LRIG1: variants seen among roughly 807,000 people sequenced by gnomAD.
LRIG1 encodes leucine-rich repeats and immunoglobulin-like domains protein 1.
In LRIG1, 48 loss-of-function variants were observed where a neutral mutation model predicts 99.2. The ratio of observed to expected loss-of-function variants is 0.48; its 90% CI spans 0.38 to 0.62. The LOEUF is 0.62. Ranked by LOEUF, LRIG1 falls within the 20% of genes least tolerant of loss-of-function variation. The pLI is 0.00. For missense variants in LRIG1, 1,646 were observed against 1,434.4 expected (o/e 1.15, Z -2.38); for synonymous variants, 772 against 596.1 (o/e 1.29, Z -4.30).
At chr3:66,392,461 T>C (rs193135453) in intron 12 of LRIG1, among the ~76,000 whole-genome samples, 70 of 152,272 alleles carry the variant, frequency 4.6e-4, no homozygotes, top group African/African-American at 1.6e-3. Context: ...TTATCTGAGT[T>C]TTGGATTCTA....
intron 3 of LRIG1, among the ~76,000 whole-genome samples, chr3:66,445,034 C>G (rs1272464105): frequency 6.6e-6 from 1 of 151,904 alleles, no homozygotes; most frequent in Admixed American, 6.6e-5. Flanking sequence ...CCTTTAGCAT[C>G]TGGGAACCAA....
At chr3:66,406,488 C>T (rs1266576883) in intron 8 of LRIG1, 5 of 916,732 alleles carry the variant, frequency 5.5e-6, no homozygotes, top group South Asian at 5.0e-5. Context: ...AATGGCTCCA[C>T]ATTAAAGCCG....
intron 5 of LRIG1, among the ~76,000 whole-genome samples, chr3:66,413,821 G>A (rs145166916): frequency 3.7e-4 from 56 of 152,306 alleles, no homozygotes; most frequent in African/African-American, 1.2e-3. Flanking sequence ...CCCACCCAGG[G>A]GAGGTGAAAC....
chr3:66,466,454 T>C (rs1201892109), intron 1 of LRIG1, among the ~76,000 whole-genome samples: 1 of 152,260 alleles, frequency 6.6e-6, no homozygotes, highest in Non-Finnish European at 1.5e-5. Context: ...TTGGCTATTG[T>C]GAATGATGTT....
At chr3:66,406,048 T>A (rs565334848) in intron 8 of LRIG1, 1 of 986,742 alleles carries the variant, frequency 1.0e-6, no homozygotes, top group Non-Finnish European at 1.2e-6. Context: ...GTTCTTAAAT[T>A]TTCCCCCCGA....
chr3:66,417,120 G>C lies in LRIG1; in HGVS notation c.503+9C>G, dbSNP rs1363966965. The C allele has an allele frequency of 2.5e-6, 4 of 1,613,610 alleles. No homozygotes were observed. The South Asian group carries it at 4.4e-5, about 18-fold the overall frequency. On this transcript the variant is annotated intron_variant, in intron 4 of 18. Transcript: ENST00000273261. Reference sequence around the variant, plus strand: ...GGCCAGCCACAGGTGGCAGAACAGAGGCACTTACAGCTCCTTTATAGGCGG... The same window carrying C: ...GGCCAGCCACAGGTGGCAGAACAGACGCACTTACAGCTCCTTTATAGGCGG...
chr3:66,398,421 T>C (rs1701935814), intron 10 of LRIG1, among the ~76,000 whole-genome samples: 1 of 152,118 alleles, frequency 6.6e-6, no homozygotes, highest in Admixed American at 6.6e-5. Context: ...GCAAAACCTT[T>C]CCCAACAGAG....
intron 12 of LRIG1, among the ~76,000 whole-genome samples, chr3:66,389,904 G>A (rs1201209628): frequency 6.6e-6 from 1 of 152,112 alleles, no homozygotes; most frequent in Non-Finnish European, 1.5e-5. Context: ...CAGCCATTTA[G>A]TCCATCCCTA....
intron 6 of LRIG1, 70 bp from the exon 7 acceptor site, chr3:66,410,342 C>A: frequency 1.4e-6 from 2 of 1,466,092 alleles, no homozygotes; most frequent in Non-Finnish European, 1.9e-6. Flanking sequence ...AGCAAATGAG[C>A]AGCCACGCTG....
At chr3:66,493,787 C>A (rs914609059) in intron 1 of LRIG1, among the ~76,000 whole-genome samples, 1 of 144,980 alleles carries the variant, frequency 6.9e-6, no homozygotes, top group Non-Finnish European at 1.5e-5. Flanking sequence ...CAGAGTGAAA[C>A]CCTGTCGAAA....
chr3:66,490,195 C>T (rs765103437), intron 1 of LRIG1, among the ~76,000 whole-genome samples: 28 of 152,112 alleles, frequency 1.8e-4, no homozygotes, highest in Admixed American at 5.9e-4. Context: ...ACACAGACTC[C>T]AAATCTGAGA....
intron 17 of LRIG1, 27 bp downstream of exon 17, chr3:66,381,452 C>G (rs1170469930): frequency 6.3e-7 from 1 of 1,596,534 alleles, no homozygotes; most frequent in Non-Finnish European, 8.6e-7. Flanking sequence ...CAGAAAGAAA[C>G]TACTTCCAAT....
At chr3:66,420,013 G>C (rs544307407) in intron 3 of LRIG1, among the ~76,000 whole-genome samples, 49 of 152,244 alleles carry the variant, frequency 3.2e-4, no homozygotes, top group African/African-American at 1.1e-3. Flanking sequence ...AGTCACTTCA[G>C]GCATCCCACG....
At chr3:66,466,194 T>C (rs1444380668) in intron 1 of LRIG1, among the ~76,000 whole-genome samples, 1 of 152,080 alleles carries the variant, frequency 6.6e-6, no homozygotes, top group African/African-American at 2.4e-5. Context: ...CCACCACACC[T>C]GGCTAAATTT....
At chr3:66,464,955 C>G (rs1024290231) in intron 1 of LRIG1, among the ~76,000 whole-genome samples, 5 of 152,174 alleles carry the variant, frequency 3.3e-5, no homozygotes, top group Admixed American at 6.5e-5. Flanking sequence ...GGACTTAACA[C>G]TGAGATGCCA....
chr3:66,380,739 G>T lies in LRIG1; in HGVS notation c.2893C>A (p.Pro965Thr), dbSNP rs944945752. ...TCTTGGTCACTCCCACCCGGCTCCG[G>T]GCCATTTGGCGCACTTGGCTGTGCG... ...DSAQPSAPNG[P>T]EPGGSDQEHS... The change falls in exon 18 of 19, where the codon CCG becomes ACG. Residue 965 changes from proline to threonine, a missense_variant. Physicochemically the swap from Pro to Thr is conservative, Grantham distance 38. Coordinates refer to ENST00000273261, the MANE Select transcript of LRIG1 (RefSeq NM_015541.3). The T allele has an allele frequency of 4.3e-6, 7 of 1,614,072 alleles. No homozygotes were observed. The African/African-American group carries it at 6.7e-5, about 15-fold the overall frequency.
intron 3 of LRIG1, among the ~76,000 whole-genome samples, chr3:66,423,208 T>C (rs150116487): frequency 1.3e-3 from 200 of 152,308 alleles, no homozygotes; most frequent in Non-Finnish European, 2.1e-3. Context: ...TTTAACACCA[T>C]TGAACTCCAC....
intron 14 of LRIG1, 136 bp downstream of exon 14, chr3:66,383,855 A>G: frequency 2.3e-6 from 3 of 1,311,622 alleles, no homozygotes; most frequent in Non-Finnish European, 2.0e-6. Context: ...AACTCAACTC[A>G]AAAAGCAGCC....
chr3:66,436,471 C>T lies in LRIG1; in HGVS notation c.365+15088G>A, dbSNP rs191864422. On this transcript the variant is annotated intron_variant, in intron 3 of 18. Transcript: ENST00000273261. ...TTGGCATTTGCTAAACTTACATGAC[C>T]ACAAAATCCTTTTCATGAAACGACC... Among the ~76,000 whole-genome samples, 33 of 152,274 alleles carry T rather than the reference C, an allele frequency of 2.2e-4. 2 individuals are homozygous for T. Among genetic ancestry groups the T allele is most frequent in the Admixed American group, 2.0e-3 (31 of 15,302 alleles).
Sources: gnomAD v4.1 joint callset for allele counts (sites outside exome capture counted in the v4.1 genomes callset) on GRCh38, gnomAD v4.1.1 for gene constraint, MANE v1.5 for transcripts, NCBI Gene and HGNC (gene_info 2026-07-23, HGNC 2026-07-21) for gene names.